Variants in LAMA2 observed in about 807,000 individuals in gnomAD.
LAMA2 encodes the protein laminin subunit alpha 2, also known as laminin subunit alpha-2.
LAMA2 carries 269 observed loss-of-function variants against 364.8 expected under a neutral mutation model. The ratio of observed to expected loss-of-function variants is 0.74; its 90% CI spans 0.67 to 0.82. The LOEUF (loss-of-function observed/expected upper bound fraction) is 0.82, where lower values mean the gene tolerates loss of function less well. LAMA2 is among the 40% of genes least tolerant of loss of function. LAMA2 has a pLI of 0.00. For synonymous variants in LAMA2, 1,379 were observed against 1,370.6 expected, an observed-to-expected ratio of 1.01 and a Z score of -0.14; for missense variants, 3,807 against 3,873.2, an observed-to-expected ratio of 0.98 and a Z score of 0.45.
At position 129,449,054 on chromosome 6, in the gene LAMA2, G is replaced by C. The variant is rs144499790; in HGVS notation, c.6429+3233G>C. ...CTATAACTGAAAATCAAAACAGAAAGTATTCAAAAGGAAAAGACTACTGAT... is the reference window on the plus strand; with the variant it reads ...CTATAACTGAAAATCAAAACAGAAACTATTCAAAAGGAAAAGACTACTGAT... On this transcript the variant is annotated intron_variant, in intron 45 of 64. Transcript: ENST00000421865. Among the ~76,000 whole-genome samples, 367 of 152,280 alleles carry C rather than the reference G, an allele frequency of 2.4e-3. 2 individuals are homozygous for C. Among genetic ancestry groups the C allele is most frequent in the African/African-American group, 8.3e-3 (343 of 41,572 alleles).
intron 12 of LAMA2, among the ~76,000 whole-genome samples, chr6:129,200,448 G>GTA (rs199797875): frequency 2.8e-4 from 41 of 147,838 alleles, no homozygotes; most frequent in East Asian, 2.0e-4. Context: ...ATACATATAT[G>GTA]TATATATATA....
chr6:129,203,273 C>G lies in LAMA2; in HGVS notation c.1782+10420C>G, dbSNP rs147280290. Among the ~76,000 whole-genome samples, 741 of 152,308 alleles carry G rather than the reference C, an allele frequency of 4.9e-3. 8 individuals are homozygous for G. The highest frequency in any genetic ancestry group is 0.017 in the African/African-American group (711 of 41,576). On this transcript the variant is annotated intron_variant, in intron 12 of 64. Coordinates refer to ENST00000421865, the MANE Select transcript of LAMA2 (RefSeq NM_000426.4). ...TGTAGCTTTTCAGTAACTTCTTACA[C>G]TCATGTTCTATGTGCGGCTCAGTGG... is the stretch of plus-strand genomic sequence containing the variant.
chr6:128,930,021 T>A (rs981816051), intron 1 of LAMA2: 1 of 488,842 alleles, frequency 2.0e-6, no homozygotes, highest in African/African-American at 2.0e-5. Context: ...AGCCTCGGCG[T>A]TGCAGAGCAC....
chr6:129,046,642 A>G (rs1176402025), intron 1 of LAMA2, among the ~76,000 whole-genome samples: 3 of 152,162 alleles, frequency 2.0e-5, no homozygotes, highest in Non-Finnish European at 2.9e-5. Flanking sequence ...TGTTTATTCA[A>G]TGTGTAACCT....
chr6:129,425,344 C>T (rs1238881756), intron 40 of LAMA2, among the ~76,000 whole-genome samples: 1 of 152,068 alleles, frequency 6.6e-6, no homozygotes, highest in African/African-American at 2.4e-5. Flanking sequence ...ATTTTAGCCT[C>T]TTTCACTGTT....
rs1394126762 is a variant in LAMA2 at position 128,962,175 on chromosome 6, T to TATAC, written c.112+78821_112+78822insCATA. On this transcript the variant is annotated intron_variant, in intron 1 of 64. Coordinates refer to ENST00000421865, the MANE Select transcript of LAMA2 (RefSeq NM_000426.4). ...ATATATATATATATATATATATATA[T>TATAC]ATATATATATACACACATACACACA... 2.4e-5 allele frequency among the ~76,000 whole-genome samples: 3 copies of TATAC among 123,188 alleles called. No individual in the cohort carries two copies. In the East Asian group the frequency reaches 6.7e-4, roughly 28 times the overall value. The allele number at this position is 123,188 out of a possible 152,430, so 80.8% of individuals were successfully genotyped here. A position where few individuals can be genotyped will look rare whatever the true frequency, so the allele number is the denominator to read the frequency against.
chr6:129,376,742 G>A (rs9492314), intron 34 of LAMA2, among the ~76,000 whole-genome samples: 3,252 of 152,144 alleles, frequency 0.021, 119 homozygotes, highest in African/African-American at 0.074. Flanking sequence ...ATCTCAGCTC[G>A]TGAAAGCCCT....
At chr6:128,991,167 A>G (rs1783585786) in intron 1 of LAMA2, among the ~76,000 whole-genome samples, 1 of 152,152 alleles carries the variant, frequency 6.6e-6, no homozygotes, top group Non-Finnish European at 1.5e-5. Flanking sequence ...GATTTTTACT[A>G]ATTTTTTTCC....
At chr6:129,388,413 T>G (rs1343580515) in intron 35 of LAMA2, among the ~76,000 whole-genome samples, 1 of 152,220 alleles carries the variant, frequency 6.6e-6, no homozygotes, top group Non-Finnish European at 1.5e-5. Flanking sequence ...AATGATTGCT[T>G]CTTGTTTACA....
In LAMA2 at chr6:129,154,594, A is replaced by G. The variant is rs773475924; in HGVS notation, c.1117A>G (p.Ile373Val). 6.2e-7 allele frequency: 1 copy of G among 1,613,894 alleles called. No individual in the cohort carries two copies. The highest frequency in any genetic ancestry group is 8.5e-7 in the Non-Finnish European group (1 of 1,179,776). The change falls in exon 8 of 65, where the codon ATT becomes GTT. Residue 373 changes from isoleucine to valine, a missense_variant. Physicochemically the swap from Ile to Val is conservative, Grantham distance 29. Transcript: ENST00000421865. The part of the protein sequence containing the change: ...NLSLNIRGKY[I>V]GGGVCINCTQ... ...GAGTTTGAATATACGTGGAAAGTAC[A>G]TTGGAGGGGGTGTCTGCATTAATTG...
intron 1 of LAMA2, among the ~76,000 whole-genome samples, chr6:128,892,741 C>A (rs1030435650): frequency 4.0e-5 from 6 of 151,804 alleles, no homozygotes; most frequent in African/African-American, 9.7e-5. Flanking sequence ...AAAAAAAATT[C>A]TTGGAATACA....
chr6:129,137,666 A>C lies in LAMA2; in HGVS notation c.640-6235A>C, dbSNP rs1481103432. 2.0e-5 allele frequency among the ~76,000 whole-genome samples: 3 copies of C among 152,124 alleles called. No homozygotes were observed. The South Asian group carries it at 6.2e-4, about 31-fold the overall frequency. ...AATATATACAAATTTTAAGTGATAC[A>C]TGCAATGCACAAATTGTAAATGTTT... On this transcript the variant is annotated intron_variant, in intron 4 of 64. Coordinates refer to ENST00000421865, the MANE Select transcript of LAMA2 (RefSeq NM_000426.4).
At chr6:129,291,818 G>A (rs1789721278) in intron 20 of LAMA2, 98 bp downstream of exon 20, 3 of 824,974 alleles carry the variant, frequency 3.6e-6, no homozygotes, top group Admixed American at 2.0e-5. Context: ...TTAAAAGGAA[G>A]GTTTGGGATT....
chr6:129,074,867 A>G (rs1773531436), intron 3 of LAMA2, among the ~76,000 whole-genome samples: 3 of 152,262 alleles, frequency 2.0e-5, no homozygotes, highest in Non-Finnish European at 4.4e-5. Context: ...TGCTATTCTT[A>G]GTAAGAAGCT....
At chr6:129,178,764 A>C (rs976216908) in intron 10 of LAMA2, among the ~76,000 whole-genome samples, 1 of 152,148 alleles carries the variant, frequency 6.6e-6, no homozygotes, top group East Asian at 1.9e-4. Flanking sequence ...TATTTGGTAC[A>C]TGTGAGCATA....
chr6:129,317,876 C>CT (rs1360562188), intron 27 of LAMA2, among the ~76,000 whole-genome samples: 1 of 151,590 alleles, frequency 6.6e-6, no homozygotes, highest in Admixed American at 6.6e-5. Context: ...CCAATTTCAC[C>CT]TTCCTACACT....
At chr6:129,259,686 GTT>G (rs1213053374) in intron 14 of LAMA2, among the ~76,000 whole-genome samples, 1 of 152,026 alleles carries the variant, frequency 6.6e-6, no homozygotes, top group Non-Finnish European at 1.5e-5. Flanking sequence ...CCTACTGTGT[GTT>G]ACATATTATA....
At chr6:129,272,228 A>G (rs1787989021) in intron 17 of LAMA2, among the ~76,000 whole-genome samples, 1 of 152,182 alleles carries the variant, frequency 6.6e-6, no homozygotes, top group Non-Finnish European at 1.5e-5. Context: ...GAAAAATGGC[A>G]TTATGATGCC....
At chr6:129,087,998 A>G in intron 3 of LAMA2, among the ~76,000 whole-genome samples, 2 of 137,452 alleles carry the variant, frequency 1.5e-5, no homozygotes, top group East Asian at 4.2e-4. Context: ...GCAGATAAAC[A>G]AGTGAACAAA....
Sources: gnomAD v4.1 joint callset for allele counts (sites outside exome capture counted in the v4.1 genomes callset) on GRCh38, gnomAD v4.1.1 for gene constraint, MANE v1.5 for transcripts, NCBI Gene and HGNC (gene_info 2026-07-23, HGNC 2026-07-21) for gene names.